The following RSPRY1 variants were observed in gnomAD, a reference collection of about 807,000 sequenced individuals.
The protein encoded by RSPRY1 is ring finger and SPRY domain containing 1.
In RSPRY1, 23 loss-of-function variants were observed where a neutral mutation model predicts 73.1. That is an observed-to-expected ratio of 0.31 (90% CI 0.23 to 0.45). The LOEUF is 0.45. RSPRY1 is among the 20% of genes least tolerant of loss of function. RSPRY1 has a pLI of 1.00. For missense variants in RSPRY1, 448 were observed against 698.7 expected, an observed-to-expected ratio of 0.64 and a Z score of 4.05; for synonymous variants, 226 against 251.4, an observed-to-expected ratio of 0.90 and a Z score of 0.95.
Position 57,224,079 on chromosome 16 carries a change from C to T in RSPRY1, c.1161+2664C>T, listed in dbSNP as rs150342834. Among the ~76,000 whole-genome samples, 8 of 152,298 alleles carry T rather than the reference C, an allele frequency of 5.3e-5. No individual in the cohort carries two copies. The East Asian group carries it at 9.6e-4, about 18-fold the overall frequency. Reference sequence around the variant, plus strand: ...AAAAGGAATGATTTAGAAGCCTTTCCGGAGCCTCCAGATTATGGAGAAGTT... The same window carrying T: ...AAAAGGAATGATTTAGAAGCCTTTCTGGAGCCTCCAGATTATGGAGAAGTT... On this transcript the variant is annotated intron_variant, in intron 10 of 14. Coordinates refer to ENST00000394420, the MANE Select transcript of RSPRY1 (RefSeq NM_133368.3).
chr16:57,224,693 A>C (rs1241949873), intron 10 of RSPRY1, among the ~76,000 whole-genome samples: 1 of 152,232 alleles, frequency 6.6e-6, no homozygotes, highest in African/African-American at 2.4e-5. Context: ...CATCTCTGCT[A>C]GGCAGAGGCA....
chr16:57,233,955 A>G (rs1286001207), intron 13 of RSPRY1, among the ~76,000 whole-genome samples: 2 of 152,188 alleles, frequency 1.3e-5, no homozygotes, highest in Non-Finnish European at 2.9e-5. Flanking sequence ...ATGATTTGTT[A>G]CAACGTAAGT....
At chr16:57,237,032 G>T (rs1349991582) in intron 14 of RSPRY1, among the ~76,000 whole-genome samples, 2 of 152,098 alleles carry the variant, frequency 1.3e-5, no homozygotes, top group African/African-American at 4.8e-5. Flanking sequence ...CCCGGGCGTG[G>T]TGGTGGGCGC....
intron 1 of RSPRY1, among the ~76,000 whole-genome samples, chr16:57,201,319 G>T (rs1280034643): frequency 6.9e-6 from 1 of 145,590 alleles, no homozygotes; most frequent in Non-Finnish European, 1.5e-5. Context: ...TCACTTCTCA[G>T]ACGGGGCGGC....
At chr16:57,217,165 A>G (rs1597901888) in intron 8 of RSPRY1, 130 bp downstream of exon 8, 1 of 967,376 alleles carries the variant, frequency 1.0e-6, no homozygotes, top group Non-Finnish European at 1.6e-6. Flanking sequence ...GGCAGGTTGG[A>G]TATATTCTAG....
intron 1 of RSPRY1, among the ~76,000 whole-genome samples, chr16:57,200,778 C>T (rs1297563614): frequency 1.0e-4 from 5 of 49,516 alleles, no homozygotes; most frequent in East Asian, 7.1e-4. Flanking sequence ...GGCGGCTGGC[C>T]GGGCTGGGGG....
chr16:57,207,659 C>T (rs1240111327), intron 2 of RSPRY1: 3 of 458,558 alleles, frequency 6.5e-6, no homozygotes, highest in East Asian at 6.9e-5. Context: ...CCGGGATTGT[C>T]GTCTCTCTTC....
intron 10 of RSPRY1, among the ~76,000 whole-genome samples, chr16:57,223,502 A>G (rs902308955): frequency 8.5e-5 from 13 of 152,358 alleles, no homozygotes; most frequent in Non-Finnish European, 1.8e-4. Flanking sequence ...CCTTTTGGCC[A>G]GGCGCAGTGG....
At chr16:57,233,242 T>C (rs1331364707) in intron 13 of RSPRY1, among the ~76,000 whole-genome samples, 9 of 152,174 alleles carry the variant, frequency 5.9e-5, no homozygotes, top group Admixed American at 5.9e-4. Context: ...CTTTTTATTA[T>C]GGAAAATTTC....
At chr16:57,230,542 A>G (rs1360677511) in intron 11 of RSPRY1, among the ~76,000 whole-genome samples, 169 bp from the exon 12 acceptor site, 5 of 152,230 alleles carry the variant, frequency 3.3e-5, no homozygotes, top group Non-Finnish European at 7.3e-5. Flanking sequence ...ACATTAAAAT[A>G]TTGGTGTATA....
chr16:57,222,416 C>T (rs1366805993), intron 10 of RSPRY1, among the ~76,000 whole-genome samples: 1 of 152,112 alleles, frequency 6.6e-6, no homozygotes, highest in Non-Finnish European at 1.5e-5. Flanking sequence ...TTTTAAAGGC[C>T]TATTTCAGCA....
chr16:57,203,598 C>T (rs2074667344), intron 1 of RSPRY1, among the ~76,000 whole-genome samples: 1 of 152,158 alleles, frequency 6.6e-6, no homozygotes, highest in South Asian at 2.1e-4. Flanking sequence ...ATTTTACCAG[C>T]TTCTTGAAGA....
At chr16:57,187,590 G>GT (rs1328750383) in intron 1 of RSPRY1, among the ~76,000 whole-genome samples, 1 of 152,214 alleles carries the variant, frequency 6.6e-6, no homozygotes, top group Non-Finnish European at 1.5e-5. Flanking sequence ...CTGCGTGAAC[G>GT]TAAGTTAGTG....
At chr16:57,202,746 AAT>A (rs2074643367) in intron 1 of RSPRY1, among the ~76,000 whole-genome samples, 5 of 152,058 alleles carry the variant, frequency 3.3e-5, no homozygotes, top group Non-Finnish European at 5.9e-5. Context: ...TTGCTGTCTT[AAT>A]AGTGAAAACG....
rs560521946 is a variant in RSPRY1, at chr16:57,208,174, C to T, written c.403+64C>T. ...TATAATAATGAAGAAAAGTAGCCAC[C>T]TTTTGTTTTTTGTTTTGTTTTGTTT... On this transcript the variant is annotated intron_variant, in intron 3 of 14. Transcript: ENST00000394420. 3.6e-5 allele frequency: 37 copies of T among 1,039,486 alleles called. No homozygotes were observed. The South Asian group carries it at 5.2e-4, about 15-fold the overall frequency. The allele number at this position is 1,039,486 out of a possible 1,614,324, so 64.4% of individuals were successfully genotyped here.
chr16:57,227,204 C>A, intron 10 of RSPRY1, 138 bp from the exon 11 acceptor site: 6 of 615,962 alleles, frequency 9.7e-6, no homozygotes, highest in Non-Finnish European at 1.5e-5. Context: ...TTAGTATTTT[C>A]AAAAAACCAT....
chr16:57,231,069 G>T, intron 12 of RSPRY1, 98 bp from the exon 13 acceptor site: 1 of 1,131,512 alleles, frequency 8.8e-7, no homozygotes, highest in South Asian at 1.5e-5. Context: ...TGCCAGGGTA[G>T]GATTGACTCA....
intron 1 of RSPRY1, among the ~76,000 whole-genome samples, chr16:57,188,283 A>G (rs1326842407): frequency 6.6e-6 from 1 of 151,484 alleles, no homozygotes; most frequent in African/African-American, 2.4e-5. Flanking sequence ...ATGACATTTT[A>G]CTAGTGTTTG....
intron 4 of RSPRY1, among the ~76,000 whole-genome samples, chr16:57,211,453 C>T (rs2074842778): frequency 6.6e-6 from 1 of 152,116 alleles, no homozygotes. Context: ...CCTGTAATCC[C>T]AGCTACTTAG....
Sources: allele counts gnomAD v4.1 joint callset (sites outside exome capture counted in the v4.1 genomes callset), GRCh38; gene constraint gnomAD v4.1.1; transcripts MANE v1.5; gene names NCBI Gene and HGNC (gene_info 2026-07-23, HGNC 2026-07-21).